The following COL4A4 variants were observed in gnomAD, a reference collection of about 807,000 sequenced individuals.
COL4A4 encodes collagen alpha-4(IV) chain.
Under a neutral mutation model 192.9 loss-of-function variants are expected in COL4A4, and 105 were observed. That is an observed-to-expected ratio of 0.54 (90% confidence interval 0.46 to 0.64). The LOEUF (loss-of-function observed/expected upper bound fraction) is 0.64. Ranked by LOEUF, COL4A4 falls within the 30% of genes least tolerant of loss-of-function variation. The pLI, the probability that COL4A4 is intolerant of heterozygous loss-of-function variation, is 0.00. For synonymous variants in COL4A4, 762 were observed against 769.9 expected (o/e 0.99, Z 0.17); for missense variants, 1,967 against 2,169.3 (o/e 0.91, Z 1.85).
chr2:227,063,882 C>T (rs2058131922), intron 25 of COL4A4, among the ~76,000 whole-genome samples: 1 of 151,684 alleles, frequency 6.6e-6, no homozygotes, highest in African/African-American at 2.4e-5. Context: ...TGAGTTCATA[C>T]TGAGAAATGA....
intron 3 of COL4A4, among the ~76,000 whole-genome samples, chr2:227,141,625 T>G (rs1415420900): frequency 6.6e-6 from 1 of 152,198 alleles, no homozygotes; most frequent in Admixed American, 6.5e-5. Flanking sequence ...AAAGACATCT[T>G]TGTAAACAAT....
In COL4A4 at chr2:227,019,273, C is replaced by T. The variant is rs77933201; in HGVS notation, c.4216+2775G>A. On this transcript the variant is annotated intron_variant, in intron 44 of 47. Transcript: ENST00000396625. ...CTGCCTTGCTAAGAAACGTTCTACT[C>T]TTAGCTGAATCTTTAAGGAGTGCAT... Among the ~76,000 whole-genome samples the T allele has an allele frequency of 6.6e-4, 100 of 152,342 alleles. 1 individual carries two copies. In the East Asian group the frequency reaches 0.016, roughly 24 times the overall value.
chr2:227,148,558 T>C (rs1457012349), intron 1 of COL4A4, among the ~76,000 whole-genome samples: 2 of 152,186 alleles, frequency 1.3e-5, no homozygotes, highest in Non-Finnish European at 2.9e-5. Flanking sequence ...ACATTATGAA[T>C]ATACTAAAAA....
chr2:226,991,657 AC>A, the COL4A4 span, among the ~76,000 whole-genome samples: 1 of 152,318 alleles, frequency 6.6e-6, no homozygotes, highest in Admixed American at 6.5e-5. Context: ...TAATCCTTCA[AC>A]AACCCAACAA....
intron 23 of COL4A4, among the ~76,000 whole-genome samples, chr2:227,081,513 A>G (rs995103163): frequency 6.6e-6 from 1 of 151,898 alleles, no homozygotes; most frequent in Non-Finnish European, 1.5e-5. Context: ...AGGCTTTTGG[A>G]CTCAAAAGTA....
At chr2:227,033,215 G>A (rs1213717529) in intron 38 of COL4A4, among the ~76,000 whole-genome samples, 195 bp downstream of exon 38, 2 of 152,142 alleles carry the variant, frequency 1.3e-5, no homozygotes, top group Non-Finnish European at 2.9e-5. Context: ...CTTAAATAGG[G>A]TTTTCTCAAA....
Position 227,007,346 on chromosome 2 carries a change from C to G in COL4A4, c.5052G>C (p.Gln1684His). ...TTCTCTAGCTATACTTCACGCAGACCTGGCACCGGCTGATTTTCTGGCGTT... is the reference window on the plus strand; with the variant it reads ...TTCTCTAGCTATACTTCACGCAGACGTGGCACCGGCTGATTTTCTGGCGTT... ...QAQRQKISRC[Q>H]VCVKYS Residue 1684 changes from glutamine to histidine, a missense_variant, in exon 48 of 48, where the codon CAG (glutamine) becomes CAC (histidine). By Grantham distance (24) the Gln-to-His change is conservative. Coordinates refer to ENST00000396625, the MANE Select transcript of COL4A4 (RefSeq NM_000092.5). 6.2e-7 allele frequency: 1 copy of G among 1,614,252 alleles called. No individual in the cohort carries two copies. Among genetic ancestry groups the G allele is most frequent in the Admixed American group, 1.7e-5 (1 of 60,024 alleles).
In COL4A4 at chr2:227,073,298, AG is replaced by A. The variant is rs1485802963; in HGVS notation, c.1987+4595del. Among the ~76,000 whole-genome samples the A allele has an allele frequency of 1.0e-4, 11 of 110,078 alleles. No homozygotes were observed. The South Asian group carries it at 3.0e-3, about 30-fold the overall frequency. The allele number at this position is 110,078 out of a possible 152,430, so 72.2% of individuals were successfully genotyped here. On this transcript the variant is annotated intron_variant, in intron 25 of 47. Coordinates refer to ENST00000396625, the MANE Select transcript of COL4A4 (RefSeq NM_000092.5). ...TTAATAACTCAATTCCTTTTACAAC[AG>A]CTGTGAAAACTAAAATAAAATAACT...
At chr2:226,996,349 A>T in the COL4A4 span, 2 of 152,242 alleles carry the variant, frequency 1.3e-5, no homozygotes, top group African/African-American at 4.8e-5. Context: ...TATCTTGCAG[A>T]AAGTATGTTT....
chr2:227,101,932 G>A (rs377569999), intron 15 of COL4A4, 23 bp from the exon 16 acceptor site: 6 of 1,578,470 alleles, frequency 3.8e-6, no homozygotes, highest in South Asian at 2.3e-5. Flanking sequence ...CAAAAATCAG[G>A]ATAAACAGAA....
intron 4 of COL4A4, among the ~76,000 whole-genome samples, chr2:227,131,353 C>T (rs1489769314): frequency 6.6e-6 from 1 of 151,996 alleles, no homozygotes; most frequent in Non-Finnish European, 1.5e-5. Flanking sequence ...GACAGGTTTT[C>T]GCCATGTTAG....
Position 227,050,092 on chromosome 2 carries a change from T to A in COL4A4, c.3190A>T (p.Ile1064Phe), listed in dbSNP as rs746417033. ...GSPGPPGFSG[I>F]DGARGPKGNK... ...CCTTTAGGTCCTCTTGCTCCATCAA[T>A]TCCTGAAAATCCAGGGGGACCTGGA... The change falls in exon 34 of 48, where the codon ATT (isoleucine) becomes TTT (phenylalanine). Residue 1064 changes from isoleucine (I) to phenylalanine (F), a missense_variant. Physicochemically the swap from Ile to Phe is conservative, Grantham distance 21. Transcript: ENST00000396625. 6.2e-7 allele frequency: 1 copy of A among 1,614,098 alleles called. No homozygotes were observed.
rs779930511 is a variant in COL4A4 at position 227,088,697 on chromosome 2, C to T, written c.1579G>A (p.Gly527Ser). The T allele has an allele frequency of 1.2e-6, 2 of 1,614,108 alleles. No homozygotes were observed. Among genetic ancestry groups the T allele is most frequent in the South Asian group, 1.1e-5 (1 of 91,078 alleles). ...LGLPGWLGTKGDPGPPGAEGP... is the reference protein window; with the variant it reads ...LGLPGWLGTKSDPGPPGAEGP... ...TCAGCACCAGGAGGTCCTGGGTCAC[C>T]TTTTGTTCCAAGCCAGCCAGGGAGC... is the stretch of plus-strand genomic sequence containing the variant. The change falls in exon 22 of 48, where the codon GGT becomes AGT. Residue 527 changes from glycine (G) to serine (S), a missense_variant. By Grantham distance (56) the Gly-to-Ser change is moderately conservative. Coordinates refer to ENST00000396625, the MANE Select transcript of COL4A4 (RefSeq NM_000092.5).
chr2:227,064,639 G>C (rs915681687), intron 25 of COL4A4, among the ~76,000 whole-genome samples: 1 of 152,152 alleles, frequency 6.6e-6, no homozygotes, highest in Non-Finnish European at 1.5e-5. Context: ...TGAGACAAAT[G>C]CATCAGGTAA....
At chr2:227,046,543 T>C (rs1972901927) in intron 35 of COL4A4, among the ~76,000 whole-genome samples, 1 of 152,036 alleles carries the variant, frequency 6.6e-6, no homozygotes, top group East Asian at 1.9e-4. Flanking sequence ...TGACTCCAGA[T>C]AAATTCCTAA....
At chr2:227,124,665 G>A (rs1481280918) in intron 4 of COL4A4, among the ~76,000 whole-genome samples, 2 of 152,088 alleles carry the variant, frequency 1.3e-5, no homozygotes, top group Non-Finnish European at 2.9e-5. Flanking sequence ...AAACCATTTG[G>A]GGTATTGTGA....
chr2:227,088,764 A>G lies in COL4A4; in HGVS notation c.1512T>C (p.Pro504=). 1 of 1,614,060 alleles carries G rather than the reference A, an allele frequency of 6.2e-7. No homozygotes were observed. The highest frequency in any genetic ancestry group is 8.5e-7 in the Non-Finnish European group (1 of 1,179,980). The change falls in exon 22 of 48, where the codon CCT becomes CCC. Residue 504 remains proline, a synonymous_variant. Transcript: ENST00000396625. ...TCCCCTGCCTCCCAGGAAGTCCTGGAGGGCCAGGGGGGCCCATGGGTCCAG... is the reference window on the plus strand; with the variant it reads ...TCCCCTGCCTCCCAGGAAGTCCTGGGGGGCCAGGGGGGCCCATGGGTCCAG... The part of the protein sequence containing the change: ...CEPGPMGPPG[P]PGLPGRQGSK...
At chr2:227,055,507 A>C (rs1975111651) in intron 30 of COL4A4, among the ~76,000 whole-genome samples, 1 of 151,970 alleles carries the variant, frequency 6.6e-6, no homozygotes, top group Admixed American at 6.5e-5. Context: ...AAAAAAAATA[A>C]TAATAATAAA....
chr2:227,033,299 T>C, intron 38 of COL4A4, 111 bp downstream of exon 38: 1 of 897,404 alleles, frequency 1.1e-6, no homozygotes, highest in Non-Finnish European at 1.8e-6. Flanking sequence ...CCAGTTTTTT[T>C]CAGTTTTGCC....
Sources: gnomAD v4.1 joint callset for allele counts (sites outside exome capture counted in the v4.1 genomes callset) on GRCh38, gnomAD v4.1.1 for gene constraint, MANE v1.5 for transcripts, NCBI Gene and HGNC (gene_info 2026-07-23, HGNC 2026-07-21) for gene names.